Variants in AKAP19 observed in about 807,000 individuals in gnomAD.
AKAP19 encodes the protein A-kinase anchoring protein 19.
At chr2:189,951,760 A>T in the AKAP19 span, among the ~76,000 whole-genome samples, 1 of 152,230 alleles carries the variant, frequency 6.6e-6, no homozygotes, top group African/African-American at 2.4e-5. Context: ...AGTATAGGAG[A>T]TCAGAATATG....
chr2:190,109,554 G>A, the AKAP19 span, among the ~76,000 whole-genome samples: 2 of 151,524 alleles, frequency 1.3e-5, no homozygotes, highest in African/African-American at 2.4e-5. Flanking sequence ...CTTGGGAGGG[G>A]GACTCTTGCC....
At chr2:189,887,906 T>G in the AKAP19 span, among the ~76,000 whole-genome samples, 1 of 152,312 alleles carries the variant, frequency 6.6e-6, no homozygotes, top group East Asian at 1.9e-4. Flanking sequence ...TTGTGTAGGT[T>G]GCCTGTTCAC....
chr2:189,894,031 A>G, the AKAP19 span, among the ~76,000 whole-genome samples: 1 of 152,170 alleles, frequency 6.6e-6, no homozygotes, highest in Non-Finnish European at 1.5e-5. Context: ...GCCACATTAT[A>G]CGGATGGGCA....
At chr2:189,883,695 A>G in the AKAP19 span, among the ~76,000 whole-genome samples, 1 of 151,742 alleles carries the variant, frequency 6.6e-6, no homozygotes, top group African/African-American at 2.4e-5. Context: ...CACTATAACA[A>G]ACTCCTTCAT....
the AKAP19 span, among the ~76,000 whole-genome samples, chr2:190,096,060 C>T: frequency 6.6e-6 from 1 of 152,090 alleles, no homozygotes; most frequent in East Asian, 1.9e-4. Flanking sequence ...GCTAAACACC[C>T]ATCCTGGTCT....
chr2:190,180,545 C>T, the AKAP19 span: 13 of 985,762 alleles, frequency 1.3e-5, no homozygotes, highest in Non-Finnish European at 1.6e-5. The surrounding 1 kb of genome is among the most constrained non-coding windows in gnomAD (Gnocchi z 6.8). Context: ...GGTCTGTTCC[C>T]GCTGCGGCGC....
At chr2:190,055,180 G>A in the AKAP19 span, among the ~76,000 whole-genome samples, 1 of 152,074 alleles carries the variant, frequency 6.6e-6, no homozygotes, top group East Asian at 1.9e-4. Flanking sequence ...CCTTTGTAGG[G>A]ACATGGATGA....
the AKAP19 span, among the ~76,000 whole-genome samples, chr2:189,979,668 A>C: frequency 6.6e-6 from 1 of 152,168 alleles, no homozygotes; most frequent in Non-Finnish European, 1.5e-5. Flanking sequence ...TTTGCAAACT[A>C]TACACTTGAC....
At chr2:190,061,113 A>G in the AKAP19 span, among the ~76,000 whole-genome samples, 1 of 152,054 alleles carries the variant, frequency 6.6e-6, no homozygotes, top group South Asian at 2.1e-4. Flanking sequence ...TTGGTTTTCC[A>G]AAATTGTCTA....
chr2:190,170,079 C>T, the AKAP19 span, among the ~76,000 whole-genome samples: 3 of 152,160 alleles, frequency 2.0e-5, no homozygotes, highest in East Asian at 5.8e-4. Flanking sequence ...CCCAGTTCTG[C>T]AGGATGGGAA....
At chr2:190,022,249 G>A in the AKAP19 span, among the ~76,000 whole-genome samples, 3 of 152,068 alleles carry the variant, frequency 2.0e-5, no homozygotes, top group Non-Finnish European at 4.4e-5. Context: ...CTTACACTCC[G>A]AATTGAGAGA....
At chr2:189,917,320 A>G in the AKAP19 span, 2 of 1,415,654 alleles carry the variant, frequency 1.4e-6, no homozygotes, top group Non-Finnish European at 2.0e-6. Context: ...TTAACATGAC[A>G]CTTGTCCGGT....
chr2:190,169,088 C>T, the AKAP19 span, among the ~76,000 whole-genome samples: 1 of 152,148 alleles, frequency 6.6e-6, no homozygotes, highest in African/African-American at 2.4e-5. Context: ...GTTTATTGGA[C>T]TTGCAGTTCC....
the AKAP19 span, among the ~76,000 whole-genome samples, chr2:190,101,043 T>C: frequency 6.6e-6 from 1 of 152,136 alleles, no homozygotes; most frequent in Non-Finnish European, 1.5e-5. Context: ...GGGAAAGACA[T>C]CAGGAAAAGC....
At chr2:190,100,147 T>C in the AKAP19 span, among the ~76,000 whole-genome samples, 1 of 152,130 alleles carries the variant, frequency 6.6e-6, no homozygotes, top group Non-Finnish European at 1.5e-5. Context: ...GGGCTGACTT[T>C]GAAATGGAGA....
At chr2:190,134,900 G>A in the AKAP19 span, among the ~76,000 whole-genome samples, 1 of 151,558 alleles carries the variant, frequency 6.6e-6, no homozygotes, top group African/African-American at 2.4e-5. Flanking sequence ...TTCTTTATTT[G>A]GAGTATTTAT....
the AKAP19 span, among the ~76,000 whole-genome samples, chr2:189,902,450 G>A: frequency 6.6e-6 from 1 of 151,848 alleles, no homozygotes; most frequent in Non-Finnish European, 1.5e-5. Flanking sequence ...GAACTTCTTG[G>A]TAATTTCTGC....
chr2:190,190,884 T>C, the AKAP19 span, among the ~76,000 whole-genome samples: 5 of 152,310 alleles, frequency 3.3e-5, no homozygotes, highest in East Asian at 7.7e-4. Context: ...GGATAAAGAA[T>C]AGTTACATCA....
At chr2:189,928,219 T>C in the AKAP19 span, among the ~76,000 whole-genome samples, 1 of 152,174 alleles carries the variant, frequency 6.6e-6, no homozygotes, top group Non-Finnish European at 1.5e-5. Context: ...GGAACAATAC[T>C]ACAGAAATGC....
Sources: gnomAD v4.1 joint callset for allele counts (sites outside exome capture counted in the v4.1 genomes callset) on GRCh38, gnomAD v4.1.1 for gene constraint, Gnocchi (gnomAD v3.1) non-coding constraint, MANE v1.5 for transcripts, NCBI Gene and HGNC (gene_info 2026-07-23, HGNC 2026-07-21) for gene names.